The following DMD variants were observed in gnomAD, a reference collection of about 807,000 sequenced individuals.
DMD encodes the protein dystrophin.
In DMD, 63 loss-of-function variants were observed where a neutral mutation model predicts 330.1. The ratio of observed to expected loss-of-function variants is 0.19; its 90% CI spans 0.16 to 0.24. The LOEUF (loss-of-function observed/expected upper bound fraction) is 0.24, where lower values mean the gene tolerates loss of function less well. Ranked by LOEUF, DMD falls within the 10% of genes least tolerant of loss-of-function variation. The pLI is 1.00. For missense variants in DMD, 3,344 were observed against 2,684.1 expected, an observed-to-expected ratio of 1.25 and a Z score of -5.43; for synonymous variants, 1,223 against 959.8, an observed-to-expected ratio of 1.27 and a Z score of -5.07.
At chrX:33,213,341 T>C (rs1392146035), upstream of DMD, among the ~76,000 whole-genome samples, 1 of 112,165 alleles carries the variant, frequency 8.9e-6, no homozygotes, top group Non-Finnish European at 1.9e-5. Context: ...TTGGCACCTA[T>C]AATGATTTCT....
intron 51 of DMD, among the ~76,000 whole-genome samples, chrX:31,749,022 A>AT (rs1489222857): frequency 9.0e-6 from 1 of 110,582 alleles, no homozygotes; most frequent in Non-Finnish European, 1.9e-5. Context: ...TACTATATTC[A>AT]TTTTTTTACA....
At chrX:33,140,580 T>G (rs778236468) in intron 1 of DMD, among the ~76,000 whole-genome samples, 5 of 112,515 alleles carry the variant, frequency 4.4e-5, no homozygotes, top group Non-Finnish European at 9.4e-5. Context: ...ATATGGGAAT[T>G]GGACTAAATA....
chrX:31,875,239 A>T lies in DMD; in HGVS notation c.7047T>A (p.Asn2349Lys). ...TTGGTTGGTTATAAATTTCCAACTG[A>T]TTCCTAATAGGAGATAACCACAGCA... ...HLLLWLSPIR[N>K]QLEIYNQPNQ... The change falls in exon 48 of 79, where the codon AAT (asparagine) becomes AAA (lysine). Residue 2349 changes from asparagine to lysine, a missense_variant. Coordinates refer to ENST00000357033, the MANE Select transcript of DMD (RefSeq NM_004006.3). 8.3e-7 allele frequency: 1 copy of T among 1,207,868 alleles called. No homozygotes were observed.
intron 51 of DMD, among the ~76,000 whole-genome samples, chrX:31,767,646 T>C (rs1015986542): frequency 7.1e-5 from 8 of 111,953 alleles, no homozygotes; most frequent in East Asian, 5.6e-4. Context: ...CTGTTTTGTA[T>C]TGCTTTTAGT....
At chrX:32,878,876 C>T (rs2149187644) in intron 2 of DMD, among the ~76,000 whole-genome samples, 1 of 108,483 alleles carries the variant, frequency 9.2e-6, no homozygotes, top group Admixed American at 9.9e-5. Context: ...GGCACAGTGG[C>T]AGGTACCTGT....
intron 27 of DMD, among the ~76,000 whole-genome samples, chrX:32,447,886 C>G (rs187279034): frequency 9.0e-6 from 1 of 110,926 alleles, no homozygotes; most frequent in African/African-American, 3.3e-5. Context: ...TAAGGCCCAT[C>G]CATAAAAGTT....
chrX:32,502,719 G>C (rs367667824), intron 18 of DMD, among the ~76,000 whole-genome samples: 19 of 112,138 alleles, frequency 1.7e-4, no homozygotes, highest in African/African-American at 5.8e-4. Flanking sequence ...GATTTCTCTT[G>C]AATTTGAGGC....
intron 50 of DMD, among the ~76,000 whole-genome samples, chrX:31,808,912 G>T (rs1043958026): frequency 1.8e-5 from 2 of 110,562 alleles, no homozygotes; most frequent in African/African-American, 6.5e-5. Flanking sequence ...AATAATCGAA[G>T]AAACAATTCC....
intron 2 of DMD, among the ~76,000 whole-genome samples, chrX:32,999,816 A>ACC (rs144573442): frequency 9.0e-6 from 1 of 110,522 alleles, no homozygotes; most frequent in African/African-American, 3.3e-5. Context: ...CAAAAAAAAA[A>ACC]CCGAAAAAAC....
chrX:32,186,929 G>C (rs1453598166), intron 44 of DMD, among the ~76,000 whole-genome samples: 4 of 110,423 alleles, frequency 3.6e-5, no homozygotes, highest in Non-Finnish European at 7.6e-5. Context: ...CAGCAGATGT[G>C]GTTCTCAGAA....
intron 53 of DMD, among the ~76,000 whole-genome samples, chrX:31,677,733 T>C (rs1390291518): frequency 8.9e-6 from 1 of 112,387 alleles, no homozygotes; most frequent in Non-Finnish European, 1.9e-5. Context: ...GATAAGACTG[T>C]AAAATTCTAT....
At chrX:31,190,213 T>A (rs1369632436) in intron 67 of DMD, among the ~76,000 whole-genome samples, 1 of 111,827 alleles carries the variant, frequency 8.9e-6, no homozygotes, top group East Asian at 2.8e-4. Flanking sequence ...AAATGAGGAT[T>A]ACAACCCAAG....
intron 45 of DMD, among the ~76,000 whole-genome samples, chrX:31,944,851 G>A (rs2095065746): frequency 9.0e-6 from 1 of 110,604 alleles, no homozygotes; most frequent in Non-Finnish European, 1.9e-5. Flanking sequence ...CTTGTCAACT[G>A]GCATAAGTAA....
intron 47 of DMD, among the ~76,000 whole-genome samples, chrX:31,896,487 T>C (rs2094334794): frequency 8.9e-6 from 1 of 111,992 alleles, no homozygotes; most frequent in Non-Finnish European, 1.9e-5. Context: ...TGTGGTTATC[T>C]GTCATCTTTT....
At position 32,849,823 on chromosome X, in the gene DMD, G is replaced by A. The variant is rs373907950; in HGVS notation, c.94-3C>T. The stretch of plus-strand genomic sequence containing the variant: ...TTCTCAATATGCTGCTTCCCAAACT[G>A]AAATTAAAAAAAATACACTCAATTT... On this transcript the variant is annotated splice_region_variant and splice_polypyrimidine_tract_variant and intron_variant, in intron 2 of 78. Coordinates refer to ENST00000357033, the MANE Select transcript of DMD (RefSeq NM_004006.3). The A allele has an allele frequency of 3.4e-5, 39 of 1,159,892 alleles. No homozygotes were observed. The African/African-American group carries it at 6.5e-4, about 19-fold the overall frequency.
chrX:32,919,504 C>T (rs1017194533), intron 2 of DMD, among the ~76,000 whole-genome samples: 1 of 111,722 alleles, frequency 9.0e-6, no homozygotes, highest in Non-Finnish European at 1.9e-5. Context: ...TTAAAGTTAC[C>T]TTTTAGCTCT....
At chrX:31,794,802 C>A (rs758632411) in intron 50 of DMD, among the ~76,000 whole-genome samples, 2 of 109,861 alleles carry the variant, frequency 1.8e-5, no homozygotes, top group Non-Finnish European at 3.8e-5. Context: ...GAGGCTTCTA[C>A]TGGCTTTTAG....
rs752796629 is a variant in DMD, at chrX:33,288,758, T to C, written c.7+50501A>G. ...CTTCCCCTTCTCTCTCCCTCCAATT[T>C]TTATAGTTCAGAGGATCTCAGCGTA... On this transcript the variant is annotated intron_variant, in intron 1 of 17. Coordinates refer to the DMD transcript ENST00000288447. Among the ~76,000 whole-genome samples, 141 of 111,995 alleles carry C rather than the reference T, an allele frequency of 1.3e-3. 1 individual carries two copies. Among genetic ancestry groups the C allele is most frequent in the Non-Finnish European group, 2.3e-3 (124 of 53,192 alleles).
At chrX:32,839,077 T>TA (rs1034390113) in intron 4 of DMD, among the ~76,000 whole-genome samples, 1 of 111,839 alleles carries the variant, frequency 8.9e-6, no homozygotes, top group Admixed American at 9.5e-5. Flanking sequence ...AGTAGTGTTT[T>TA]TTTAGTCATT....
Sources: allele counts gnomAD v4.1 joint callset (sites outside exome capture counted in the v4.1 genomes callset), GRCh38; gene constraint gnomAD v4.1.1; transcripts MANE v1.5; gene names NCBI Gene and HGNC (gene_info 2026-07-23, HGNC 2026-07-21).